Variants in AMD1 observed in about 807,000 individuals in gnomAD.
The protein encoded by AMD1 is adenosylmethionine decarboxylase 1.
A neutral mutation model predicts 40.2 loss-of-function variants in AMD1; 11 were observed. That is an observed-to-expected ratio of 0.27 (90% confidence interval 0.17 to 0.45). AMD1 has a LOEUF of 0.45. AMD1 is among the 20% of genes least tolerant of loss of function. The probability of loss-of-function intolerance (pLI) is 1.00; values close to 1 mark genes in which losing one functional copy is unlikely to be tolerated. For synonymous variants in AMD1, 121 were observed against 130.8 expected, an observed-to-expected ratio of 0.93 and a Z score of 0.51; for missense variants, 257 against 410.2, an observed-to-expected ratio of 0.63 and a Z score of 3.23.
upstream of AMD1, among the ~76,000 whole-genome samples, chr6:110,874,573 C>T (rs1784991252): frequency 6.6e-6 from 1 of 152,246 alleles, no homozygotes; most frequent in Non-Finnish European, 1.5e-5. Context: ...ACAGCACCAA[C>T]TCCCACTCAG....
At chr6:110,815,149 C>G in the AMD1 span, 2 of 1,580,266 alleles carry the variant, frequency 1.3e-6, no homozygotes, top group East Asian at 5.0e-5. Context: ...TCTGCTTCCC[C>G]CATAGAGGCA....
At chr6:110,851,522 G>A in the AMD1 span, among the ~76,000 whole-genome samples, 1 of 151,934 alleles carries the variant, frequency 6.6e-6, no homozygotes, top group African/African-American at 2.4e-5. Flanking sequence ...GAGTCCATTG[G>A]CACAATCTCC....
At chr6:110,830,178 C>T in the AMD1 span, among the ~76,000 whole-genome samples, 1 of 151,976 alleles carries the variant, frequency 6.6e-6, no homozygotes, top group Non-Finnish European at 1.5e-5. Flanking sequence ...CCATACCCAG[C>T]TAATTTTTTT....
chr6:110,835,390 G>C, the AMD1 span, among the ~76,000 whole-genome samples: 1 of 152,078 alleles, frequency 6.6e-6, no homozygotes, highest in Non-Finnish European at 1.5e-5. Context: ...GTTATAATGT[G>C]GAATCTGAAA....
the AMD1 span, among the ~76,000 whole-genome samples, chr6:110,853,312 G>GTT: frequency 2.9e-5 from 4 of 136,928 alleles, no homozygotes; most frequent in Non-Finnish European, 6.4e-5. Flanking sequence ...TGGGTTTTTT[G>GTT]TTTTTTTTTT....
At chr6:110,893,343 G>A in intron 8 of AMD1, 133 bp from the exon 9 acceptor site, 1 of 1,269,844 alleles carries the variant, frequency 7.9e-7, no homozygotes, top group Non-Finnish European at 1.1e-6. Flanking sequence ...GGCCCCTCCA[G>A]CACATAAGAA....
intron 1 of AMD1, chr6:110,875,501 G>A: frequency 3.2e-6 from 1 of 314,246 alleles, no homozygotes; most frequent in Non-Finnish European, 5.8e-6. Flanking sequence ...CGCGCTGGGC[G>A]GCGGGCGGCG....
chr6:110,835,672 C>T, the AMD1 span, among the ~76,000 whole-genome samples: 4 of 152,036 alleles, frequency 2.6e-5, no homozygotes, highest in African/African-American at 9.7e-5. Context: ...TCGAGACCAG[C>T]CTGGCCAACA....
chr6:110,883,654 C>G (rs779910698), intron 1 of AMD1, among the ~76,000 whole-genome samples: 10 of 152,136 alleles, frequency 6.6e-5, no homozygotes, highest in Non-Finnish European at 1.2e-4. Flanking sequence ...TGCAGTGACA[C>G]GATCTCGGCT....
chr6:110,851,521 G>A, the AMD1 span, among the ~76,000 whole-genome samples: 1 of 151,664 alleles, frequency 6.6e-6, no homozygotes, highest in Non-Finnish European at 1.5e-5. Flanking sequence ...GGAGTCCATT[G>A]GCACAATCTC....
the AMD1 span, among the ~76,000 whole-genome samples, chr6:110,840,322 G>C: frequency 6.6e-6 from 1 of 152,012 alleles, no homozygotes; most frequent in East Asian, 1.9e-4. Flanking sequence ...GATCCCAGGG[G>C]TTGGGGGCTC....
the AMD1 span, among the ~76,000 whole-genome samples, chr6:110,816,559 C>A: frequency 6.6e-6 from 1 of 152,150 alleles, no homozygotes; most frequent in Non-Finnish European, 1.5e-5. Context: ...AATAACTCTT[C>A]CTTTGTAAAG....
the AMD1 span, among the ~76,000 whole-genome samples, chr6:110,857,789 T>A: frequency 2.0e-5 from 3 of 147,430 alleles, no homozygotes; most frequent in Non-Finnish European, 3.0e-5. Context: ...TATATATAGA[T>A]GGTATATATA....
chr6:110,866,870 A>G, the AMD1 span, among the ~76,000 whole-genome samples: 3 of 151,566 alleles, frequency 2.0e-5, no homozygotes, highest in African/African-American at 7.3e-5. Flanking sequence ...CTGGAGTGCA[A>G]TGGCGCAATC....
At chr6:110,815,744 G>A in the AMD1 span, 1 of 152,524 alleles carries the variant, frequency 6.6e-6, no homozygotes, top group Admixed American at 6.5e-5. Context: ...TTACTCTAGT[G>A]GGAAGGGGAT....
chr6:110,892,693 T>C, intron 6 of AMD1, 42 bp from the exon 7 acceptor site: 1 of 1,593,384 alleles, frequency 6.3e-7, no homozygotes, highest in African/African-American at 1.4e-5. Flanking sequence ...TTGAAGTTTA[T>C]TTGTCAAACC....
the AMD1 span, among the ~76,000 whole-genome samples, chr6:110,850,330 G>C: frequency 2.1e-4 from 32 of 152,244 alleles, no homozygotes; most frequent in African/African-American, 7.0e-4. Flanking sequence ...GGAATATTTG[G>C]GGGGACTCAG....
At chr6:110,848,100 A>G in the AMD1 span, among the ~76,000 whole-genome samples, 1 of 152,130 alleles carries the variant, frequency 6.6e-6, no homozygotes, top group Non-Finnish European at 1.5e-5. Context: ...TAACCATTAC[A>G]TCATGGGATG....
intron 1 of AMD1, among the ~76,000 whole-genome samples, chr6:110,877,704 G>A (rs762176908): frequency 2.0e-5 from 3 of 152,246 alleles, no homozygotes; most frequent in Non-Finnish European, 4.4e-5. Flanking sequence ...TATGTAGTAC[G>A]TAAACTGTTA....
Sources: allele counts gnomAD v4.1 joint callset (sites outside exome capture counted in the v4.1 genomes callset), GRCh38; gene constraint gnomAD v4.1.1; transcripts MANE v1.5; gene names NCBI Gene and HGNC (gene_info 2026-07-23, HGNC 2026-07-21).